The following BICD1 variants were observed in gnomAD, a reference collection of about 807,000 sequenced individuals.
The protein encoded by BICD1 is BICD cargo adaptor 1, also known as protein bicaudal D homolog 1.
In BICD1, 35 loss-of-function variants were observed where a neutral mutation model predicts 92.5. The observed-to-expected ratio is 0.38, with a 90% confidence interval of 0.29 to 0.50. The LOEUF is 0.50. Among genes scored for constraint, BICD1 ranks in the 20% least tolerant of loss-of-function variants. The pLI is 0.93. For synonymous variants in BICD1, 429 were observed against 465.1 expected (o/e 0.92, Z 1.00); for missense variants, 950 against 1,189.8 (o/e 0.80, Z 2.97).
intron 2 of BICD1, among the ~76,000 whole-genome samples, chr12:32,286,948 G>GTATGTACTCCATGCTAAA (rs1294826806): frequency 6.6e-6 from 1 of 152,178 alleles, no homozygotes; most frequent in Non-Finnish European, 1.5e-5. Flanking sequence ...TATTTTCTAA[G>GTATGTACTCCATGCTAAA]TATGTACTCC....
At chr12:32,309,992 T>C (rs1948331895) in intron 4 of BICD1, among the ~76,000 whole-genome samples, 1 of 152,086 alleles carries the variant, frequency 6.6e-6, no homozygotes, top group Non-Finnish European at 1.5e-5. Flanking sequence ...AAACACTGCA[T>C]GGGAGAGGCC....
chr12:32,203,749 T>C (rs1944972271), intron 1 of BICD1, among the ~76,000 whole-genome samples: 1 of 152,138 alleles, frequency 6.6e-6, no homozygotes, highest in Non-Finnish European at 1.5e-5. Flanking sequence ...CGAGAAGCCC[T>C]ATATCTCATT....
intron 8 of BICD1, among the ~76,000 whole-genome samples, chr12:32,358,477 G>A (rs906363113): frequency 1.3e-5 from 2 of 150,974 alleles, no homozygotes; most frequent in South Asian, 4.3e-4. Flanking sequence ...AGTGGCTCAC[G>A]CCTGTAATCC....
intron 8 of BICD1, among the ~76,000 whole-genome samples, chr12:32,348,721 AAAATATATAT>A (rs1474763657): frequency 1.3e-4 from 15 of 116,432 alleles, no homozygotes; most frequent in Non-Finnish European, 2.5e-4. Flanking sequence ...AGCTCACACA[AAAATATATAT>A]ATATATATAT....
At chr12:32,361,862 C>T (rs1939341568) in intron 8 of BICD1, among the ~76,000 whole-genome samples, 1 of 152,216 alleles carries the variant, frequency 6.6e-6, no homozygotes, top group Admixed American at 6.5e-5. Context: ...ACCTCTGCAG[C>T]CTCACTACTC....
chr12:32,194,853 G>A (rs112340750), intron 1 of BICD1, among the ~76,000 whole-genome samples: 16,037 of 151,872 alleles, frequency 0.11, 1,165 homozygotes, highest in Middle Eastern at 0.24. Context: ...TTGCACTCCC[G>A]CCTGGGCAAC....
chr12:32,120,128 G>C (rs766228620), intron 1 of BICD1, among the ~76,000 whole-genome samples: 138 of 151,986 alleles, frequency 9.1e-4, no homozygotes, highest in Non-Finnish European at 9.1e-4. Flanking sequence ...ATTTTATTCT[G>C]TTTGCAGTTT....
At chr12:32,319,496 A>G (rs1396116745) in intron 4 of BICD1, among the ~76,000 whole-genome samples, 3 of 152,112 alleles carry the variant, frequency 2.0e-5, no homozygotes, top group African/African-American at 7.2e-5. Flanking sequence ...TTTTGTGTCT[A>G]TATTCATAAG....
chr12:32,137,581 T>C (rs1249880577), intron 1 of BICD1, among the ~76,000 whole-genome samples: 3 of 152,168 alleles, frequency 2.0e-5, no homozygotes, highest in Non-Finnish European at 4.4e-5. Flanking sequence ...TCTGACATCA[T>C]GTAAAGATTT....
At chr12:32,174,822 A>G (rs1009422181) in intron 1 of BICD1, among the ~76,000 whole-genome samples, 1 of 152,186 alleles carries the variant, frequency 6.6e-6, no homozygotes, top group Admixed American at 6.5e-5. Flanking sequence ...CGCTTAAATC[A>G]TTCAGATCTG....
chr12:32,343,838 G>A (rs1485650430), intron 8 of BICD1, among the ~76,000 whole-genome samples: 1 of 152,164 alleles, frequency 6.6e-6, no homozygotes. Flanking sequence ...GAGATATATA[G>A]TCAACAGTAC....
chr12:32,349,611 C>T (rs1257319089), intron 8 of BICD1, among the ~76,000 whole-genome samples: 3 of 152,082 alleles, frequency 2.0e-5, no homozygotes, highest in Admixed American at 6.5e-5. Flanking sequence ...GTTATGATAT[C>T]TCAGCATACT....
chr12:32,248,663 G>C (rs1322549389), intron 2 of BICD1, among the ~76,000 whole-genome samples: 4 of 152,122 alleles, frequency 2.6e-5, no homozygotes, highest in African/African-American at 9.7e-5. Context: ...GGGAAGCTGG[G>C]GAGCCCAAGA....
intron 1 of BICD1, among the ~76,000 whole-genome samples, chr12:32,180,573 A>G (rs1469033015): frequency 6.6e-6 from 1 of 151,908 alleles, no homozygotes. Context: ...TAACTGGAAG[A>G]GCATGGCTCC....
chr12:32,111,821 A>T (rs1941706662), intron 1 of BICD1, among the ~76,000 whole-genome samples: 1 of 151,970 alleles, frequency 6.6e-6, no homozygotes, highest in South Asian at 2.1e-4. Context: ...GTTAGCCAGG[A>T]TGGTCTCGAT....
intron 1 of BICD1, among the ~76,000 whole-genome samples, chr12:32,165,682 C>CA (rs35023796): frequency 0.14 from 17,568 of 127,986 alleles, 1,288 homozygotes; most frequent in Middle Eastern, 0.25. Context: ...GACTCTGTCT[C>CA]AAAAAAAAAA....
chr12:32,343,117 C>T (rs1440447213), intron 8 of BICD1, among the ~76,000 whole-genome samples: 2 of 152,144 alleles, frequency 1.3e-5, no homozygotes, highest in East Asian at 1.9e-4. Flanking sequence ...TCCACATGCT[C>T]ATCTTAGTTT....
At chr12:32,262,330 C>T (rs1946880774) in intron 2 of BICD1, among the ~76,000 whole-genome samples, 1 of 152,116 alleles carries the variant, frequency 6.6e-6, no homozygotes, top group Non-Finnish European at 1.5e-5. Flanking sequence ...TTCCTGCTTT[C>T]CCTATTCAGT....
At chr12:32,195,349 T>G (rs1944698607) in intron 1 of BICD1, among the ~76,000 whole-genome samples, 1 of 142,098 alleles carries the variant, frequency 7.0e-6, no homozygotes, top group Non-Finnish European at 1.5e-5. Flanking sequence ...AACCACTTCC[T>G]GGTTTCAAAC....
Sources: gnomAD v4.1 joint callset for allele counts (sites outside exome capture counted in the v4.1 genomes callset) on GRCh38, gnomAD v4.1.1 for gene constraint, MANE v1.5 for transcripts, NCBI Gene and HGNC (gene_info 2026-07-23, HGNC 2026-07-21) for gene names.